Variants in PTPRU observed in about 807,000 individuals in gnomAD.
PTPRU encodes receptor-type tyrosine-protein phosphatase U.
Under a neutral mutation model 166.3 loss-of-function variants are expected in PTPRU, and 69 were observed. The ratio of observed to expected loss-of-function variants is 0.41; its 90% CI spans 0.34 to 0.51. PTPRU has a LOEUF of 0.51. Ranked by LOEUF, PTPRU falls within the 20% of genes least tolerant of loss-of-function variation. The probability of loss-of-function intolerance (pLI) is 0.09; values close to 1 mark genes in which losing one functional copy is unlikely to be tolerated. For synonymous variants in PTPRU, 793 were observed against 814.0 expected (o/e 0.97, Z 0.44); for missense variants, 1,657 against 2,013.7 (o/e 0.82, Z 3.39).
chr1:29,304,932 G>A, intron 17 of PTPRU, 83 bp downstream of exon 17: 6 of 1,344,014 alleles, frequency 4.5e-6, no homozygotes, highest in Non-Finnish European at 4.2e-6. Flanking sequence ...GTGAGCTGGG[G>A]CAGCCTCAGA....
chr1:29,307,166 T>TCTC (rs755686891), intron 18 of PTPRU: 2 of 1,610,360 alleles, frequency 1.2e-6, no homozygotes, highest in Non-Finnish European at 8.5e-7. Context: ...TCTCTCCCCT[T>TCTC]CTCCTCCTCC....
chr1:29,260,380 A>C lies in PTPRU; in HGVS notation c.851-230A>C. On this transcript the variant is annotated intron_variant, in intron 6 of 29. Coordinates refer to ENST00000373779, the MANE Select transcript of PTPRU (RefSeq NM_133178.4). This position sits in a 1 kb window ranked among gnomAD's most constrained non-coding sequence, Gnocchi z 8.3. ...TGTGGGGGATTAGGAGGGGCCTGAG[A>C]GAGGGGTTGTGGGCTGATGGGCGAG... 1 of 466,904 alleles carries C rather than the reference A, an allele frequency of 2.1e-6. No individual in the cohort carries two copies. The highest frequency in any genetic ancestry group is 3.5e-5 in the East Asian group (1 of 28,222). 28.9% of individuals were successfully genotyped at this position (466,904 alleles called of 1,614,324 possible). A position where few individuals can be genotyped will look rare whatever the true frequency, so the allele number is the denominator to read the frequency against.
intron 29 of PTPRU, 135 bp from the exon 30 acceptor site, chr1:29,325,464 C>T: frequency 6.7e-7 from 1 of 1,503,712 alleles, no homozygotes; most frequent in East Asian, 2.3e-5. Flanking sequence ...AAACATTACC[C>T]CCATTTCTCC....
rs1028812489 is a variant in PTPRU, at chr1:29,325,941, G to A, written c.*280G>A. The A allele has an allele frequency of 2.2e-6, 1 of 459,544 alleles. No individual in the cohort carries two copies. 28.5% of individuals were successfully genotyped at this position (459,544 alleles called of 1,614,324 possible). ...TGTGCTGAGAGGCCTGGTGCTGCCT[G>A]GCAGAGTGACAAAGGCTCAGGACGG... On this transcript the variant is annotated 3_prime_UTR_variant, in exon 30 of 30. Coordinates refer to ENST00000373779, the MANE Select transcript of PTPRU (RefSeq NM_133178.4).
Position 29,306,666 on chromosome 1 carries a change from G to C in PTPRU, c.2820+1238G>C, listed in dbSNP as rs192493461. 1.7e-3 allele frequency among the ~76,000 whole-genome samples: 252 copies of C among 152,312 alleles called. 2 individuals are homozygous for C. Among genetic ancestry groups the C allele is most frequent in the African/African-American group, 6.0e-3 (249 of 41,578 alleles). ...GGAAGAGTGTCCCGGGTGAGGAGCT[G>C]CCTAAGCAAAGGCCTGGGGGGCCAG... On this transcript the variant is annotated intron_variant, in intron 18 of 29. Transcript: ENST00000373779.
intron 15 of PTPRU, among the ~76,000 whole-genome samples, chr1:29,300,056 G>T (rs993823082): frequency 6.6e-6 from 1 of 152,146 alleles, no homozygotes; most frequent in African/African-American, 2.4e-5. Flanking sequence ...CAGGCACGGG[G>T]CTGGGTGCTT....
chr1:29,243,805 G>A (rs536465462), intron 1 of PTPRU, among the ~76,000 whole-genome samples: 51 of 152,324 alleles, frequency 3.3e-4, no homozygotes, highest in African/African-American at 1.2e-3. Context: ...GGGTGCACAG[G>A]GAAGGCTTGG....
chr1:29,295,586 T>C (rs1192938409), intron 15 of PTPRU, among the ~76,000 whole-genome samples: 6 of 152,244 alleles, frequency 3.9e-5, no homozygotes, highest in African/African-American at 1.4e-4. Flanking sequence ...TTCTTTATTT[T>C]TGACTTCTAT....
chr1:29,284,127 A>C, intron 13 of PTPRU, 151 bp downstream of exon 13: 1 of 953,084 alleles, frequency 1.0e-6, no homozygotes, highest in South Asian at 1.5e-5. Context: ...CTGGGTTTCC[A>C]TGTGCCCTAC....
At chr1:29,254,677 G>A (rs1398676514) in intron 1 of PTPRU, among the ~76,000 whole-genome samples, 1 of 152,144 alleles carries the variant, frequency 6.6e-6, no homozygotes, top group African/African-American at 2.4e-5. Context: ...GTGGATTGGC[G>A]GCAACTGTTG....
Position 29,260,034 on chromosome 1 carries a change from C to G in PTPRU, c.840C>G (p.Leu280=). The change falls in exon 6 of 30, where the codon CTC becomes CTG. Residue 280 remains leucine, a synonymous_variant. Coordinates refer to ENST00000373779, the MANE Select transcript of PTPRU (RefSeq NM_133178.4). The surrounding 1 kb of genome is among the most constrained non-coding windows in gnomAD (Gnocchi z 8.3). ...CGGGCGTCTCTAACTTCGCGGAGCT[C>G]ATCGTCAAGGGTCAGCTGGTGGACG... ...RGAGVSNFAE[L]IVKEPPTPIA... The G allele has an allele frequency of 6.9e-7, 1 of 1,459,194 alleles. No individual in the cohort carries two copies. Among genetic ancestry groups the G allele is most frequent in the Non-Finnish European group, 9.0e-7 (1 of 1,111,588 alleles). The allele number at this position is 1,459,194 out of a possible 1,614,324, so 90.4% of individuals were successfully genotyped here.
intron 1 of PTPRU, among the ~76,000 whole-genome samples, chr1:29,242,937 A>T (rs1168447814): frequency 2.7e-5 from 4 of 150,086 alleles, no homozygotes; most frequent in Admixed American, 6.6e-5. Flanking sequence ...TCACTCTGTC[A>T]CCCAGGCTGG....
chr1:29,287,040 G>T (rs1237225835), intron 14 of PTPRU, among the ~76,000 whole-genome samples: 1 of 152,148 alleles, frequency 6.6e-6, no homozygotes, highest in Non-Finnish European at 1.5e-5. Flanking sequence ...GGATGGGGGT[G>T]TTCAGATCAA....
Position 29,237,319 on chromosome 1 carries a change from G to T in PTPRU, c.73+602G>T, listed in dbSNP as rs1332394537. Reference sequence around the variant, plus strand: ...TGTCCGTGCGCTGTGTACGTGTGGGGAGTGTCTAGGGTATGTGGTGTGTGC... The same window carrying T: ...TGTCCGTGCGCTGTGTACGTGTGGGTAGTGTCTAGGGTATGTGGTGTGTGC... On this transcript the variant is annotated intron_variant, in intron 1 of 29. Coordinates refer to ENST00000373779, the MANE Select transcript of PTPRU (RefSeq NM_133178.4). The surrounding 1 kb of genome is among the most constrained non-coding windows in gnomAD (Gnocchi z 6.4). 6.6e-6 allele frequency among the ~76,000 whole-genome samples: 1 copy of T among 152,074 alleles called. No homozygotes were observed. Among genetic ancestry groups the T allele is most frequent in the African/African-American group, 2.4e-5 (1 of 41,404 alleles).
At chr1:29,262,923 A>T (rs954907983) in intron 7 of PTPRU, among the ~76,000 whole-genome samples, 4 of 152,196 alleles carry the variant, frequency 2.6e-5, no homozygotes, top group Admixed American at 2.6e-4. Flanking sequence ...GACATTTCAC[A>T]TAAATGGAAT....
At chr1:29,290,875 G>A (rs962044864) in intron 14 of PTPRU, among the ~76,000 whole-genome samples, 5 of 152,256 alleles carry the variant, frequency 3.3e-5, no homozygotes, top group Admixed American at 2.6e-4. Context: ...GATCGGGTTG[G>A]TTTGTTTCTG....
At chr1:29,294,992 A>G (rs1179117749) in intron 15 of PTPRU, among the ~76,000 whole-genome samples, 2 of 137,104 alleles carry the variant, frequency 1.5e-5, no homozygotes, top group East Asian at 4.8e-4. Flanking sequence ...AGCTGTGCCA[A>G]CTTTGTGCTT....
At chr1:29,240,247 T>C (rs956057780) in intron 1 of PTPRU, among the ~76,000 whole-genome samples, 8 of 152,048 alleles carry the variant, frequency 5.3e-5, no homozygotes, top group Admixed American at 4.6e-4. Flanking sequence ...TGGGGGTCAA[T>C]TGGATTTTTA....
rs1429703067 is a variant in PTPRU at position 29,261,707 on chromosome 1, A to AT, written c.1144+809dup. 3.3e-5 allele frequency among the ~76,000 whole-genome samples: 5 copies of AT among 151,756 alleles called. No individual in the cohort carries two copies. In the East Asian group the frequency reaches 9.7e-4, roughly 29 times the overall value. On this transcript the variant is annotated intron_variant, in intron 7 of 29. Coordinates refer to ENST00000373779, the MANE Select transcript of PTPRU (RefSeq NM_133178.4). ...TCCACCATGCCTGGCTAATTTTTGT[A>AT]TTTTTACTGGAGACAGAGTTTCACC...
Sources: gnomAD v4.1 joint callset for allele counts (sites outside exome capture counted in the v4.1 genomes callset) on GRCh38, gnomAD v4.1.1 for gene constraint, Gnocchi (gnomAD v3.1) non-coding constraint, MANE v1.5 for transcripts, NCBI Gene and HGNC (gene_info 2026-07-23, HGNC 2026-07-21) for gene names.